Variants in GNAQ observed in about 807,000 individuals in gnomAD.
GNAQ encodes the protein G protein subunit alpha q.
A neutral mutation model predicts 43.9 loss-of-function variants in GNAQ; 8 were observed. The ratio of observed to expected loss-of-function variants is 0.18; its 90% confidence interval spans 0.11 to 0.33. The LOEUF (loss-of-function observed/expected upper bound fraction) is 0.33. Ranked by LOEUF, GNAQ falls within the 10% of genes least tolerant of loss-of-function variation. The pLI is 1.00. For missense variants in GNAQ, 158 were observed against 450.8 expected (o/e 0.35, Z 5.88); for synonymous variants, 155 against 170.7 (o/e 0.91, Z 0.71).
At chr9:77,980,674 A>AC (rs1823357551) in intron 1 of GNAQ, among the ~76,000 whole-genome samples, 1 of 151,554 alleles carries the variant, frequency 6.6e-6, no homozygotes, top group East Asian at 1.9e-4. Context: ...TAAAAAAAAA[A>AC]CACAATTCAC....
intron 5 of GNAQ, among the ~76,000 whole-genome samples, chr9:77,766,896 T>C (rs972501942): frequency 2.0e-5 from 3 of 152,172 alleles, no homozygotes; most frequent in African/African-American, 4.8e-5. Flanking sequence ...TGGCTGTCCT[T>C]AGCAGAAATT....
At chr9:77,760,357 C>G (rs1371624471) in intron 5 of GNAQ, among the ~76,000 whole-genome samples, 1 of 152,140 alleles carries the variant, frequency 6.6e-6, no homozygotes, top group Non-Finnish European at 1.5e-5. Flanking sequence ...CAGGCGCGCG[C>G]CGCCACGCCT....
intron 2 of GNAQ, among the ~76,000 whole-genome samples, chr9:77,856,733 CT>C (rs1827761625): frequency 6.6e-6 from 1 of 152,126 alleles, no homozygotes; most frequent in African/African-American, 2.4e-5. Context: ...TGCATACTTT[CT>C]AAATGCATCT....
chr9:77,752,634 T>C (rs959224022), intron 5 of GNAQ, among the ~76,000 whole-genome samples: 1 of 152,188 alleles, frequency 6.6e-6, no homozygotes, highest in African/African-American at 2.4e-5. Context: ...TCCAAGGCTC[T>C]TTTGTCTCCT....
intron 1 of GNAQ, among the ~76,000 whole-genome samples, chr9:77,984,049 C>CAA (rs72279886): frequency 0.081 from 5,486 of 67,848 alleles, 911 homozygotes; most frequent in East Asian, 0.25. Flanking sequence ...TTTTGGAGAG[C>CAA]AAAAAAAAAA....
At chr9:77,963,569 C>T (rs919194591) in intron 1 of GNAQ, among the ~76,000 whole-genome samples, 6 of 151,946 alleles carry the variant, frequency 3.9e-5, no homozygotes, top group African/African-American at 9.7e-5. Flanking sequence ...GCAATGGCTA[C>T]GAAGAGGTGG....
intron 1 of GNAQ, among the ~76,000 whole-genome samples, chr9:77,998,057 C>T (rs1823597417): frequency 6.6e-6 from 1 of 152,166 alleles, no homozygotes; most frequent in African/African-American, 2.4e-5. Context: ...CTCATACACA[C>T]ACACACGCAC....
At chr9:77,751,887 A>G (rs984247424) in intron 5 of GNAQ, among the ~76,000 whole-genome samples, 4 of 152,240 alleles carry the variant, frequency 2.6e-5, no homozygotes, top group Admixed American at 2.6e-4. Context: ...TAACAGGAAC[A>G]CAGGAACAGT....
At chr9:77,819,050 G>GAT (rs1587931053) in intron 2 of GNAQ, among the ~76,000 whole-genome samples, 1 of 133,518 alleles carries the variant, frequency 7.5e-6, no homozygotes, top group Non-Finnish European at 1.6e-5. Flanking sequence ...TACCTAGTAT[G>GAT]ATTTAATGAA....
chr9:77,723,550 A>C (rs752553203), intron 6 of GNAQ, among the ~76,000 whole-genome samples: 7 of 152,244 alleles, frequency 4.6e-5, no homozygotes, highest in Non-Finnish European at 8.8e-5. Context: ...ATGGAGAAAC[A>C]AAACCAAACC....
intron 5 of GNAQ, among the ~76,000 whole-genome samples, chr9:77,789,573 T>C (rs1172835391): frequency 3.3e-5 from 5 of 152,208 alleles, no homozygotes; most frequent in African/African-American, 9.6e-5. Flanking sequence ...ACCTTAGCCT[T>C]GGTAGAAAAT....
intron 3 of GNAQ, among the ~76,000 whole-genome samples, chr9:77,806,441 A>G (rs1412040715): frequency 6.6e-6 from 1 of 152,210 alleles, no homozygotes; most frequent in Non-Finnish European, 1.5e-5. Context: ...GGCACAATAT[A>G]TGTTAAAATA....
intron 1 of GNAQ, among the ~76,000 whole-genome samples, chr9:77,940,321 T>C (rs1829295637): frequency 6.6e-6 from 1 of 152,202 alleles, no homozygotes; most frequent in Non-Finnish European, 1.5e-5. Context: ...GGCTCACACC[T>C]GTAGTCCCAG....
intron 2 of GNAQ, among the ~76,000 whole-genome samples, chr9:77,899,619 T>C (rs1337631783): frequency 6.6e-6 from 1 of 151,348 alleles, no homozygotes; most frequent in Non-Finnish European, 1.5e-5. Flanking sequence ...TATGAAAGCA[T>C]CTCATAAAAT....
chr9:78,015,649 A>G (rs1397600251), intron 1 of GNAQ, among the ~76,000 whole-genome samples: 1 of 152,236 alleles, frequency 6.6e-6, no homozygotes, highest in Non-Finnish European at 1.5e-5. Context: ...ATAAATTCCA[A>G]AAAGTAGAAA....
In GNAQ at chr9:77,887,782, C is replaced by G. The variant is rs1828334830; in HGVS notation, c.321+34379G>C. Among the ~76,000 whole-genome samples, 3 of 152,192 alleles carry G rather than the reference C, an allele frequency of 2.0e-5. No individual in the cohort carries two copies. The South Asian group carries it at 6.2e-4, about 31-fold the overall frequency. Reference sequence around the variant, plus strand: ...ATAACATATCACATGCTACATATAACATGTTTTTAATATACATATACACAC... The same window carrying G: ...ATAACATATCACATGCTACATATAAGATGTTTTTAATATACATATACACAC... On this transcript the variant is annotated intron_variant, in intron 2 of 6. Coordinates refer to ENST00000286548, the MANE Select transcript of GNAQ (RefSeq NM_002072.5).
chr9:77,992,160 G>A (rs1030543112), intron 1 of GNAQ, among the ~76,000 whole-genome samples: 6 of 152,164 alleles, frequency 3.9e-5, no homozygotes, highest in African/African-American at 1.4e-4. Flanking sequence ...TTCCATAGTG[G>A]TTGTACTAGT....
intron 1 of GNAQ, among the ~76,000 whole-genome samples, chr9:77,941,299 G>A (rs1039420539): frequency 6.6e-6 from 1 of 151,776 alleles, no homozygotes; most frequent in African/African-American, 2.4e-5. Flanking sequence ...ACCCAGGCTG[G>A]AGTGCAGTGG....
At chr9:77,988,351 T>C (rs1431761927) in intron 1 of GNAQ, among the ~76,000 whole-genome samples, 1 of 152,248 alleles carries the variant, frequency 6.6e-6, no homozygotes, top group African/African-American at 2.4e-5. Flanking sequence ...CTTCCTTCAG[T>C]ACTTGCTACA....
Sources: allele counts gnomAD v4.1 joint callset (sites outside exome capture counted in the v4.1 genomes callset), GRCh38; gene constraint gnomAD v4.1.1; transcripts MANE v1.5; gene names NCBI Gene and HGNC (gene_info 2026-07-23, HGNC 2026-07-21).